PPP2R2B: variants seen among roughly 807,000 people sequenced by gnomAD.
The protein encoded by PPP2R2B is protein phosphatase 2 regulatory subunit Bbeta.
A neutral mutation model predicts 46.0 loss-of-function variants in PPP2R2B; 5 were observed. The observed-to-expected ratio is 0.11, with a 90% confidence interval of 0.06 to 0.23. The LOEUF is 0.23. Ranked by LOEUF, PPP2R2B falls within the 10% of genes least tolerant of loss-of-function variation. The probability of loss-of-function intolerance (pLI) is 1.00; values close to 1 mark genes in which losing one functional copy is unlikely to be tolerated. For missense variants in PPP2R2B, 367 were observed against 575.0 expected (o/e 0.64, Z 3.70); for synonymous variants, 215 against 206.7 (o/e 1.04, Z -0.34).
chr5:146,926,281 T>C (rs1028637786), intron 1 of PPP2R2B, among the ~76,000 whole-genome samples: 1 of 152,188 alleles, frequency 6.6e-6, no homozygotes, highest in African/African-American at 2.4e-5. Context: ...GCTGGTATTT[T>C]GTTTGTAACT....
intron 1 of PPP2R2B, among the ~76,000 whole-genome samples, chr5:147,006,499 A>G (rs1001743662): frequency 6.6e-6 from 1 of 152,184 alleles, no homozygotes; most frequent in Non-Finnish European, 1.5e-5. Context: ...GCTCAAGTCC[A>G]TCAATGCAGG....
intron 1 of PPP2R2B, among the ~76,000 whole-genome samples, chr5:146,934,161 T>C (rs1056029193): frequency 3.7e-4 from 57 of 152,270 alleles, no homozygotes; most frequent in African/African-American, 1.3e-3. Flanking sequence ...TGTGTCTTTA[T>C]AGCAGCATGA....
chr5:146,941,940 C>T (rs1764336183), intron 1 of PPP2R2B, among the ~76,000 whole-genome samples: 1 of 152,116 alleles, frequency 6.6e-6, no homozygotes, highest in Admixed American at 6.5e-5. Flanking sequence ...CCTTTTATTG[C>T]TTCTTCCAGC....
chr5:146,948,970 G>A (rs1764571751), intron 1 of PPP2R2B, among the ~76,000 whole-genome samples: 1 of 152,098 alleles, frequency 6.6e-6, no homozygotes, highest in South Asian at 2.1e-4. Context: ...CACCCATGGA[G>A]CTTCTGAAAC....
intron 2 of PPP2R2B, among the ~76,000 whole-genome samples, chr5:146,865,925 C>G (rs547857786): frequency 7.9e-5 from 12 of 152,350 alleles, no homozygotes; most frequent in Non-Finnish European, 1.6e-4. Flanking sequence ...CCCTCTAGCA[C>G]TTACTGCAGC....
rs1300574724 is a variant in PPP2R2B, at chr5:146,993,029, G to A, written c.79+62636C>T. On this transcript the variant is annotated intron_variant, in intron 1 of 8. Transcript: ENST00000336640. ...ATGATCTCGGCTCACTGCAGCCTCC[G>A]CCTCCCAGGTTCAAGTGATTCTTGT... 4.0e-5 allele frequency among the ~76,000 whole-genome samples: 6 copies of A among 151,878 alleles called. No homozygotes were observed. In the East Asian group the frequency reaches 5.8e-4, roughly 15 times the overall value.
intron 8 of PPP2R2B, among the ~76,000 whole-genome samples, chr5:146,595,614 A>C (rs1269290452): frequency 6.6e-6 from 1 of 152,176 alleles, no homozygotes; most frequent in Non-Finnish European, 1.5e-5. Context: ...TCTGCCTCCA[A>C]TTGACAGCAT....
At chr5:146,700,563 G>A (rs531000463) in intron 3 of PPP2R2B, among the ~76,000 whole-genome samples, 1 of 152,208 alleles carries the variant, frequency 6.6e-6, no homozygotes, top group African/African-American at 2.4e-5. Flanking sequence ...TTACTCAGAC[G>A]CTAGTTTGTG....
intron 2 of PPP2R2B, among the ~76,000 whole-genome samples, chr5:147,068,936 C>G (rs770669752): frequency 2.0e-5 from 3 of 152,048 alleles, no homozygotes; most frequent in Non-Finnish European, 4.4e-5. Context: ...AAATCGTAAT[C>G]AGAAAAATCA....
intron 7 of PPP2R2B, among the ~76,000 whole-genome samples, chr5:146,601,004 C>T (rs966236375): frequency 1.3e-5 from 2 of 152,150 alleles, no homozygotes; most frequent in Admixed American, 6.5e-5. Context: ...TTCTGATTCT[C>T]ATTCTGGAAA....
intron 2 of PPP2R2B, among the ~76,000 whole-genome samples, chr5:146,845,412 G>A (rs1759934087): frequency 6.7e-6 from 1 of 150,076 alleles, no homozygotes; most frequent in Non-Finnish European, 1.5e-5. Flanking sequence ...TTCATGCCTG[G>A]CTAAATTTTT....
At chr5:146,958,612 C>T (rs759428905) in intron 1 of PPP2R2B, among the ~76,000 whole-genome samples, 18 of 152,140 alleles carry the variant, frequency 1.2e-4, no homozygotes, top group Non-Finnish European at 2.5e-4. Context: ...TATTAAACCT[C>T]ATTTAGAGAG....
chr5:146,913,962 TA>T (rs1315106166), intron 1 of PPP2R2B, among the ~76,000 whole-genome samples: 1 of 152,200 alleles, frequency 6.6e-6, no homozygotes, highest in Non-Finnish European at 1.5e-5. Flanking sequence ...TCTATGAGGT[TA>T]TAAGGAATCA....
intron 1 of PPP2R2B, among the ~76,000 whole-genome samples, chr5:146,998,600 T>A (rs1754025770): frequency 6.6e-6 from 1 of 152,208 alleles, no homozygotes; most frequent in Admixed American, 6.5e-5. Flanking sequence ...TTCTCAGAAC[T>A]CTGTGAGTCA....
rs1349618526 is a variant in PPP2R2B, at chr5:146,588,848, C to G, written c.*1099G>C. Reference sequence around the variant, plus strand: ...GAGTTAGAAGTGCCTGATTGGACTTCACAACTCAGCGTTTTTATTGGCTAT... The same window carrying G: ...GAGTTAGAAGTGCCTGATTGGACTTGACAACTCAGCGTTTTTATTGGCTAT... On this transcript the variant is annotated 3_prime_UTR_variant, in exon 10 of 10. Coordinates refer to ENST00000394411, the MANE Select transcript of PPP2R2B (RefSeq NM_181675.4). 6 of 152,144 alleles carry G rather than the reference C, an allele frequency of 3.9e-5. No individual in the cohort carries two copies. Among genetic ancestry groups the G allele is most frequent in the Admixed American group, 3.9e-4 (6 of 15,274 alleles). 9.4% of individuals were successfully genotyped at this position (152,144 alleles called of 1,614,324 possible).
chr5:146,995,732 C>T (rs1437590413), intron 1 of PPP2R2B, among the ~76,000 whole-genome samples: 1 of 152,122 alleles, frequency 6.6e-6, no homozygotes, highest in African/African-American at 2.4e-5. Context: ...AGAGATAAAA[C>T]ATTCCCAAGA....
intron 1 of PPP2R2B, among the ~76,000 whole-genome samples, chr5:146,890,982 A>G (rs1762475887): frequency 6.6e-6 from 1 of 152,196 alleles, no homozygotes; most frequent in South Asian, 2.1e-4. Flanking sequence ...AGAGAAAAAA[A>G]TAAGGCCTGG....
At chr5:146,852,567 T>A (rs1760411044) in intron 2 of PPP2R2B, among the ~76,000 whole-genome samples, 1 of 152,158 alleles carries the variant, frequency 6.6e-6, no homozygotes. Flanking sequence ...TTCATTATTT[T>A]GGTTCATTGT....
chr5:146,755,104 G>C (rs1185205802), intron 2 of PPP2R2B, among the ~76,000 whole-genome samples: 1 of 152,154 alleles, frequency 6.6e-6, no homozygotes, highest in Non-Finnish European at 1.5e-5. Flanking sequence ...CAAATGTTTA[G>C]AGAAAGGTTT....
Sources: allele counts gnomAD v4.1 joint callset (sites outside exome capture counted in the v4.1 genomes callset), GRCh38; gene constraint gnomAD v4.1.1; transcripts MANE v1.5; gene names NCBI Gene and HGNC (gene_info 2026-07-23, HGNC 2026-07-21).